PAM: variants seen among roughly 807,000 people sequenced by gnomAD.
PAM encodes peptidylglycine alpha-amidating monooxygenase.
Under a neutral mutation model 122.1 loss-of-function variants are expected in PAM, and 72 were observed. The ratio of observed to expected loss-of-function variants is 0.59; its 90% CI spans 0.49 to 0.72. The LOEUF is 0.72. Among genes scored for constraint, PAM ranks in the 30% least tolerant of loss-of-function variants. PAM has a pLI of 0.00. For missense variants in PAM, 1,106 were observed against 1,183.7 expected (o/e 0.93, Z 0.96); for synonymous variants, 389 against 404.4 (o/e 0.96, Z 0.46).
chr5:102,911,901 C>G (rs925674257), intron 4 of PAM, among the ~76,000 whole-genome samples: 3 of 151,916 alleles, frequency 2.0e-5, no homozygotes, highest in African/African-American at 7.2e-5. Context: ...CTGTCTTGAG[C>G]CTTCTCTATG....
In PAM at chr5:102,862,031, A is replaced by G. The variant is rs544083542; in HGVS notation, c.-373-3792A>G. ...CAAAAAATACAAATATTAGCAGGAC[A>G]TGGTGGTGTATGTCTGTAGTCCCGG... On this transcript the variant is annotated intron_variant, in intron 1 of 25. Transcript: ENST00000438793. Among the ~76,000 whole-genome samples, 5 of 152,072 alleles carry G rather than the reference A, an allele frequency of 3.3e-5. No homozygotes were observed. The South Asian group carries it at 8.3e-4, about 25-fold the overall frequency.
intron 15 of PAM, among the ~76,000 whole-genome samples, chr5:102,985,394 C>T (rs1306086262): frequency 6.6e-6 from 1 of 151,844 alleles, no homozygotes; most frequent in Non-Finnish European, 1.5e-5. Flanking sequence ...GCAACAAATA[C>T]CACAGAAATA....
chr5:102,932,412 C>T (rs1751844831), intron 7 of PAM, among the ~76,000 whole-genome samples: 3 of 151,792 alleles, frequency 2.0e-5, no homozygotes, highest in South Asian at 4.2e-4. Flanking sequence ...CGTTTGAACC[C>T]GGGAGGCAGA....
At chr5:102,875,637 ATTC>A (rs1669129740) in intron 3 of PAM, among the ~76,000 whole-genome samples, 2 of 152,188 alleles carry the variant, frequency 1.3e-5, no homozygotes, top group African/African-American at 4.8e-5. Flanking sequence ...TTTTGTTGTT[ATTC>A]TTGTCTAAAT....
intron 1 of PAM, among the ~76,000 whole-genome samples, chr5:102,822,954 C>T (rs1369318048): frequency 3.3e-5 from 5 of 152,114 alleles, no homozygotes; most frequent in Non-Finnish European, 7.4e-5. Context: ...CCCTCTATGG[C>T]CAGTCTAAAG....
chr5:103,003,280 C>T, intron 17 of PAM, 131 bp downstream of exon 17: 2 of 534,150 alleles, frequency 3.7e-6, no homozygotes, highest in East Asian at 2.9e-5. Context: ...TGGGCCATCC[C>T]ATCTTTCATT....
chr5:102,992,970 T>C (rs1774598543), intron 16 of PAM, among the ~76,000 whole-genome samples: 1 of 152,122 alleles, frequency 6.6e-6, no homozygotes. Flanking sequence ...AAAGGTTCTT[T>C]AATATCATTG....
intron 1 of PAM, among the ~76,000 whole-genome samples, chr5:102,834,735 G>A (rs189582519): frequency 6.6e-6 from 1 of 152,248 alleles, no homozygotes; most frequent in Admixed American, 6.5e-5. Context: ...AGAAAAGGAG[G>A]CCATTGTGCT....
At chr5:102,789,929 A>G (rs1206728837) in intron 1 of PAM, among the ~76,000 whole-genome samples, 2 of 152,154 alleles carry the variant, frequency 1.3e-5, no homozygotes, top group Non-Finnish European at 2.9e-5. Flanking sequence ...TCATATTCAT[A>G]AATATTCAGT....
intron 1 of PAM, among the ~76,000 whole-genome samples, chr5:102,794,804 T>C (rs922099858): frequency 3.3e-5 from 5 of 152,162 alleles, no homozygotes; most frequent in Non-Finnish European, 7.3e-5. Context: ...AAGTCCTGTG[T>C]CCATTGTGTT....
At chr5:102,913,828 C>T (rs943262062) in intron 4 of PAM, 106 bp from the exon 5 acceptor site, 20 of 664,074 alleles carry the variant, frequency 3.0e-5, no homozygotes, top group Non-Finnish European at 4.9e-5. Flanking sequence ...AACATCAAAA[C>T]ATCTTTGTTA....
At chr5:102,878,505 A>G (rs1789924231) in intron 3 of PAM, among the ~76,000 whole-genome samples, 1 of 152,202 alleles carries the variant, frequency 6.6e-6, no homozygotes, top group South Asian at 2.1e-4. Flanking sequence ...TCTTAAAAAA[A>G]AAATAAAGGT....
rs1415313160 is a variant in PAM, at chr5:102,814,559, A to ATT, written c.-373-51263_-373-51262insTT. On this transcript the variant is annotated intron_variant, in intron 1 of 25. Transcript: ENST00000438793. ...CATATATATTGATATATACATATATATAGATATATACATATATTGATATAT... is the reference window on the plus strand; with the variant it reads ...CATATATATTGATATATACATATATATTTAGATATATACATATATTGATATAT... 9.7e-4 allele frequency among the ~76,000 whole-genome samples: 144 copies of ATT among 148,154 alleles called. 1 individual carries two copies. Among genetic ancestry groups the ATT allele is most frequent in the Middle Eastern group, 3.6e-3 (1 of 280 alleles).
In PAM at chr5:103,011,087, C is replaced by G. The variant is rs576131480; in HGVS notation, c.2331+1221C>G. 6.0e-5 allele frequency among the ~76,000 whole-genome samples: 9 copies of G among 149,724 alleles called. No homozygotes were observed. In the East Asian group the frequency reaches 1.5e-3, roughly 26 times the overall value. ...ACTTACTGGGTGACAGAAGAAAAAACAAACAAACAAAAAACCCTTACAACT... is the reference window on the plus strand; with the variant it reads ...ACTTACTGGGTGACAGAAGAAAAAAGAAACAAACAAAAAACCCTTACAACT... On this transcript the variant is annotated intron_variant, in intron 21 of 25. Transcript: ENST00000438793.
chr5:102,893,453 A>G (rs771178470), intron 3 of PAM, among the ~76,000 whole-genome samples: 1 of 151,810 alleles, frequency 6.6e-6, no homozygotes, highest in Non-Finnish European at 1.5e-5. Context: ...GAATACATTC[A>G]AAATACTAGT....
intron 1 of PAM, among the ~76,000 whole-genome samples, chr5:102,773,436 T>C (rs922281453): frequency 9.2e-5 from 14 of 152,260 alleles, no homozygotes; most frequent in Admixed American, 2.6e-4. Context: ...TCTTTTCTTA[T>C]AGCACAAAAG....
At chr5:102,977,215 A>G (rs1345471038) in intron 15 of PAM, among the ~76,000 whole-genome samples, 1 of 152,010 alleles carries the variant, frequency 6.6e-6, no homozygotes, top group Non-Finnish European at 1.5e-5. Flanking sequence ...AAACCATACT[A>G]TTTTCTGAAC....
chr5:103,016,796 T>C (rs1782145886), intron 21 of PAM, among the ~76,000 whole-genome samples: 1 of 152,218 alleles, frequency 6.6e-6, no homozygotes, highest in South Asian at 2.1e-4. Context: ...TATCTCTTAG[T>C]GTACATTTCA....
At chr5:102,815,999 AG>A (rs1485318484) in intron 1 of PAM, among the ~76,000 whole-genome samples, 3 of 152,184 alleles carry the variant, frequency 2.0e-5, no homozygotes, top group Non-Finnish European at 4.4e-5. Flanking sequence ...ATAATGTCAA[AG>A]AAATGTTGGG....
Sources: gnomAD v4.1 joint callset for allele counts (sites outside exome capture counted in the v4.1 genomes callset) on GRCh38, gnomAD v4.1.1 for gene constraint, MANE v1.5 for transcripts, NCBI Gene and HGNC (gene_info 2026-07-23, HGNC 2026-07-21) for gene names.